KCNH7: variants seen among roughly 807,000 people sequenced by gnomAD.
KCNH7 encodes potassium voltage-gated channel subfamily H member 7.
In KCNH7, 49 loss-of-function variants were observed where a neutral mutation model predicts 120.8. The ratio of observed to expected loss-of-function variants is 0.41; its 90% CI spans 0.32 to 0.51. KCNH7 has a LOEUF of 0.51. KCNH7 is among the 20% of genes least tolerant of loss of function. The pLI is 0.38. For synonymous variants in KCNH7, 547 were observed against 516.1 expected (o/e 1.06, Z -0.81); for missense variants, 1,097 against 1,446.6 (o/e 0.76, Z 3.92).
chr2:162,742,618 A>G (rs12052376), intron 2 of KCNH7, among the ~76,000 whole-genome samples: 3,245 of 152,308 alleles, frequency 0.021, 72 homozygotes, highest in East Asian at 0.11. Flanking sequence ...AATTATCTGC[A>G]ATTCAACTAA....
chr2:162,733,153 C>T (rs1687783952), intron 2 of KCNH7, among the ~76,000 whole-genome samples: 1 of 152,184 alleles, frequency 6.6e-6, no homozygotes, highest in Admixed American at 6.5e-5. Flanking sequence ...CATCAGCTCC[C>T]AGCTTCTTTG....
intron 13 of KCNH7, among the ~76,000 whole-genome samples, chr2:162,382,338 T>A (rs756253054): frequency 6.6e-5 from 10 of 152,060 alleles, no homozygotes; most frequent in Non-Finnish European, 1.5e-4. Flanking sequence ...TAAACAGCAG[T>A]ATAAAAAATG....
At position 162,505,355 on chromosome 2, in the gene KCNH7, G is replaced by GA. The variant is rs545633869; in HGVS notation, c.914-699dup. On this transcript the variant is annotated intron_variant, in intron 5 of 15. Coordinates refer to ENST00000332142, the MANE Select transcript of KCNH7 (RefSeq NM_033272.4). ...TGTTTAAGTCTTGACCACTTTCTGA[G>GA]AAAAAAAAAAGGCGCTATTAAAAAC... 5.7e-3 allele frequency among the ~76,000 whole-genome samples: 838 copies of GA among 146,076 alleles called. 9 individuals are homozygous for GA. The highest frequency in any genetic ancestry group is 0.016 in the East Asian group (79 of 5,028).
rs369564063 is a variant in KCNH7 at position 162,496,941 on chromosome 2, C to T, written c.1128+7502G>A. The T allele has an allele frequency of 1.9e-4, 29 of 152,106 alleles. 1 individual carries two copies. The highest frequency in any genetic ancestry group is 6.0e-4 in the African/African-American group (25 of 41,432). 9.4% of individuals were successfully genotyped at this position (152,106 alleles called of 1,614,324 possible). ...TTAAGATATTTTGTACTAATATCTACGGCCATACCACCCTGAGTACATGTG... is the reference window on the plus strand; with the variant it reads ...TTAAGATATTTTGTACTAATATCTATGGCCATACCACCCTGAGTACATGTG... On this transcript the variant is annotated intron_variant, in intron 6 of 15. Coordinates refer to ENST00000332142, the MANE Select transcript of KCNH7 (RefSeq NM_033272.4).
intron 5 of KCNH7, among the ~76,000 whole-genome samples, chr2:162,509,721 G>T (rs1564953): frequency 0.99 from 150,119 of 151,690 alleles, 74,312 homozygotes; most frequent in East Asian, 1. Flanking sequence ...TAATGGCCAA[G>T]GCAGCCTATG....
chr2:162,371,796 T>C lies in KCNH7; in HGVS notation c.*33A>G. ...AAGGAAAACAGCCATTAAAAGCACT[T>C]ACATTGTATGTGGAGTAAATAGTAC... On this transcript the variant is annotated 3_prime_UTR_variant, in exon 16 of 16. Transcript: ENST00000332142. 6.3e-7 allele frequency: 1 copy of C among 1,580,592 alleles called. No individual in the cohort carries two copies. Among genetic ancestry groups the C allele is most frequent in the Non-Finnish European group, 8.6e-7 (1 of 1,156,894 alleles).
At chr2:162,541,129 A>G (rs1047011101) in intron 2 of KCNH7, among the ~76,000 whole-genome samples, 1 of 152,034 alleles carries the variant, frequency 6.6e-6, no homozygotes, top group Non-Finnish European at 1.5e-5. Flanking sequence ...TGACTTTGCA[A>G]TTGTTTATTA....
chr2:162,429,677 T>C (rs115579045), intron 8 of KCNH7, among the ~76,000 whole-genome samples: 1,808 of 151,916 alleles, frequency 0.012, 20 homozygotes, highest in South Asian at 0.023. Context: ...CATTATCTTT[T>C]TCCTTTGTAT....
At chr2:162,734,427 G>A (rs989154367) in intron 2 of KCNH7, among the ~76,000 whole-genome samples, 2 of 152,046 alleles carry the variant, frequency 1.3e-5, no homozygotes, top group Admixed American at 6.6e-5. Flanking sequence ...TTAATTTTAT[G>A]TAATGTCTTC....
intron 2 of KCNH7, among the ~76,000 whole-genome samples, chr2:162,660,936 C>T (rs1273305985): frequency 3.3e-5 from 5 of 152,218 alleles, no homozygotes; most frequent in Admixed American, 2.6e-4. Context: ...TCCTCTATAC[C>T]ACGCTTCCCA....
chr2:162,825,894 A>G (rs1486407527), intron 2 of KCNH7, among the ~76,000 whole-genome samples: 2 of 152,126 alleles, frequency 1.3e-5, no homozygotes, highest in Non-Finnish European at 2.9e-5. Context: ...GAAAAATTAT[A>G]GCTGCACTAC....
chr2:162,722,306 T>A lies in KCNH7; in HGVS notation c.307+114231A>T, dbSNP rs149064123. Among the ~76,000 whole-genome samples, 1,106 of 152,140 alleles carry A rather than the reference T, an allele frequency of 7.3e-3. 6 individuals carry two copies. The highest frequency in any genetic ancestry group is 0.011 in the Non-Finnish European group (771 of 67,932). On this transcript the variant is annotated intron_variant, in intron 2 of 15. Coordinates refer to ENST00000332142, the MANE Select transcript of KCNH7 (RefSeq NM_033272.4). ...GAGAAATAAACAATGTAATGTGAAATGCATATTAAAGTAGATCAGAAAAGT... is the reference window on the plus strand; with the variant it reads ...GAGAAATAAACAATGTAATGTGAAAAGCATATTAAAGTAGATCAGAAAAGT...
At chr2:162,543,101 A>G (rs114578830) in intron 2 of KCNH7, among the ~76,000 whole-genome samples, 1,853 of 152,224 alleles carry the variant, frequency 0.012, 37 homozygotes, top group African/African-American at 0.04. Flanking sequence ...TACCAGTCAC[A>G]TGGTTAAGAC....
intron 2 of KCNH7, among the ~76,000 whole-genome samples, chr2:162,834,528 A>T (rs949231187): frequency 2.0e-5 from 3 of 152,032 alleles, no homozygotes; most frequent in African/African-American, 7.2e-5. Flanking sequence ...TACCCAAACA[A>T]TCCTCTAAAT....
intron 2 of KCNH7, among the ~76,000 whole-genome samples, chr2:162,790,643 T>A (rs191154173): frequency 6.6e-6 from 1 of 152,030 alleles, no homozygotes. Flanking sequence ...CATAGGAAAG[T>A]GAGATTTACA....
chr2:162,375,912 G>T (rs201824307), intron 14 of KCNH7, among the ~76,000 whole-genome samples: 1 of 144,128 alleles, frequency 6.9e-6, no homozygotes, highest in Non-Finnish European at 1.5e-5. Context: ...AAAAAAAAAA[G>T]AAAAAAAAGA....
intron 2 of KCNH7, among the ~76,000 whole-genome samples, chr2:162,671,688 G>A (rs955336430): frequency 1.3e-5 from 2 of 151,746 alleles, no homozygotes; most frequent in Non-Finnish European, 1.5e-5. Context: ...TAACATAACT[G>A]CATGACATGC....
At chr2:162,595,982 G>A (rs1694366174) in intron 2 of KCNH7, among the ~76,000 whole-genome samples, 1 of 151,916 alleles carries the variant, frequency 6.6e-6, no homozygotes, top group Non-Finnish European at 1.5e-5. Flanking sequence ...AAAATACTAA[G>A]TGGTAAGGTT....
At chr2:162,399,278 C>G (rs1354660953) in intron 10 of KCNH7, among the ~76,000 whole-genome samples, 1 of 151,680 alleles carries the variant, frequency 6.6e-6, no homozygotes, top group African/African-American at 2.4e-5. Flanking sequence ...TTGCTCTTCC[C>G]CAGTGTCCTA....
Sources: gnomAD v4.1 joint callset for allele counts (sites outside exome capture counted in the v4.1 genomes callset) on GRCh38, gnomAD v4.1.1 for gene constraint, MANE v1.5 for transcripts, NCBI Gene and HGNC (gene_info 2026-07-23, HGNC 2026-07-21) for gene names.